Variants in ZFP64 observed in about 807,000 individuals in gnomAD.
ZFP64 encodes the protein ZFP64 zinc finger protein, also known as zinc finger protein 64.
Under a neutral mutation model 51.6 loss-of-function variants are expected in ZFP64, and 14 were observed. That is an observed-to-expected ratio of 0.27 (90% CI 0.18 to 0.42). The LOEUF (loss-of-function observed/expected upper bound fraction) is 0.42. Ranked by LOEUF, ZFP64 falls within the 10% of genes least tolerant of loss-of-function variation. The pLI, the probability that ZFP64 is intolerant of heterozygous loss-of-function variation, is 1.00. For synonymous variants in ZFP64, 375 were observed against 361.4 expected (o/e 1.04, Z -0.43); for missense variants, 754 against 906.8 (o/e 0.83, Z 2.16).
chr20:52,171,520 C>T (rs959894500), intron 2 of ZFP64, among the ~76,000 whole-genome samples: 4 of 152,000 alleles, frequency 2.6e-5, no homozygotes, highest in Admixed American at 6.6e-5. Flanking sequence ...GATGGAGTCT[C>T]GCTCTGTTGC....
intron 2 of ZFP64, among the ~76,000 whole-genome samples, chr20:52,167,823 C>T (rs932272824): frequency 1.3e-5 from 2 of 152,170 alleles, no homozygotes; most frequent in Admixed American, 6.5e-5. Flanking sequence ...TAAGTCAACA[C>T]AGGCCTAACA....
rs76847316 is a variant in ZFP64, at chr20:52,118,844, GGTAAAGAA to G, written c.764-20265_764-20258del. Among the ~76,000 whole-genome samples, 705 of 152,312 alleles carry G rather than the reference GGTAAAGAA, an allele frequency of 4.6e-3. 4 individuals carry two copies. Among genetic ancestry groups the G allele is most frequent in the Non-Finnish European group, 7.7e-3 (521 of 68,016 alleles). On this transcript the variant is annotated intron_variant, in intron 5 of 8. Transcript: ENST00000361387. ...GCTATGTAGGATGAGATCTTGGGCA[GGTAAAGAA>G]GTGAAGTAGGTTGGGTGCAGTGGCT...
At chr20:52,095,737 G>A (rs530653479) in intron 7 of ZFP64, among the ~76,000 whole-genome samples, 1 of 152,232 alleles carries the variant, frequency 6.6e-6, no homozygotes, top group South Asian at 2.1e-4. Context: ...CAGTAATCCA[G>A]CCCCTGTACA....
intron 1 of ZFP64, among the ~76,000 whole-genome samples, chr20:52,190,596 A>G (rs1369437133): frequency 6.6e-6 from 1 of 152,068 alleles, no homozygotes; most frequent in Non-Finnish European, 1.5e-5. Flanking sequence ...ACTGAGGTAC[A>G]CTATTTAAAC....
At chr20:52,111,955 C>T (rs1040012263) in intron 5 of ZFP64, among the ~76,000 whole-genome samples, 1 of 151,864 alleles carries the variant, frequency 6.6e-6, no homozygotes, top group South Asian at 2.1e-4. Flanking sequence ...TGGTGGTGGG[C>T]ACCTGTAATT....
intron 2 of ZFP64, among the ~76,000 whole-genome samples, chr20:52,172,789 T>C (rs2123068455): frequency 6.6e-6 from 1 of 152,240 alleles, no homozygotes. Context: ...TCCTGTTTAG[T>C]GAGATCAGAC....
chr20:52,170,785 T>C (rs1982654238), intron 2 of ZFP64, among the ~76,000 whole-genome samples: 1 of 152,246 alleles, frequency 6.6e-6, no homozygotes, highest in Non-Finnish European at 1.5e-5. Context: ...TGCCAGGAAC[T>C]GTTCTAAGCA....
intron 7 of ZFP64, among the ~76,000 whole-genome samples, chr20:52,090,134 C>T (rs2078907509): frequency 1.3e-5 from 2 of 152,188 alleles, no homozygotes. Flanking sequence ...ACACTAAAGA[C>T]AGCCATGCAT....
chr20:52,108,861 A>AACACAC (rs57127987), intron 5 of ZFP64, among the ~76,000 whole-genome samples: 3,409 of 139,678 alleles, frequency 0.024, 53 homozygotes, highest in Middle Eastern at 0.043. Context: ...GAAAATCTGA[A>AACACAC]ACACACACAC....
Position 52,085,929 on chromosome 20 carries a change from A to T in ZFP64, c.1229-663T>A, listed in dbSNP as rs185704165. On this transcript the variant is annotated intron_variant, in intron 8 of 8. Coordinates refer to the ZFP64 transcript ENST00000361387. The surrounding 1 kb of genome is among the most constrained non-coding windows in gnomAD (Gnocchi z 4.3). Reference sequence around the variant, plus strand: ...TGCTTTAAACGTCAGTTGAATATACACAAAGATAAGCATCTTATCCTACAC... The same window carrying T: ...TGCTTTAAACGTCAGTTGAATATACTCAAAGATAAGCATCTTATCCTACAC... Among the ~76,000 whole-genome samples, 46 of 152,268 alleles carry T rather than the reference A, an allele frequency of 3.0e-4. No individual in the cohort carries two copies. Among genetic ancestry groups the T allele is most frequent in the Non-Finnish European group, 6.0e-4 (41 of 68,024 alleles).
intron 5 of ZFP64, among the ~76,000 whole-genome samples, chr20:52,129,544 G>A (rs372491195): frequency 6.6e-6 from 1 of 152,066 alleles, no homozygotes; most frequent in Non-Finnish European, 1.5e-5. Context: ...CTGCCCTAAC[G>A]TCCAGTGCAC....
At chr20:52,094,291 G>A (rs1285421011) in intron 7 of ZFP64, among the ~76,000 whole-genome samples, 1 of 152,252 alleles carries the variant, frequency 6.6e-6, no homozygotes. Flanking sequence ...TTCAAGGAAA[G>A]TCGTTTCTGT....
intron 2 of ZFP64, among the ~76,000 whole-genome samples, chr20:52,185,476 A>T (rs1393893816): frequency 9.0e-5 from 13 of 143,724 alleles, no homozygotes; most frequent in African/African-American, 3.6e-4. Context: ...CCAGAAAATG[A>T]AATCAGTGTC....
chr20:52,104,811 G>C (rs1407923017), intron 5 of ZFP64: 1 of 603,282 alleles, frequency 1.7e-6, no homozygotes, highest in Non-Finnish European at 3.2e-6. Context: ...CCGGAGACTC[G>C]GGTGCCCGCG....
intron 5 of ZFP64, among the ~76,000 whole-genome samples, chr20:52,127,137 A>G (rs2122869165): frequency 6.6e-6 from 1 of 152,080 alleles, no homozygotes; most frequent in Non-Finnish European, 1.5e-5. Context: ...TTTTTAGTAG[A>G]GACGGGGTTT....
rs1335013130 is a variant in ZFP64, at chr20:52,085,448, G to T, written c.1229-182C>A. On this transcript the variant is annotated intron_variant, in intron 8 of 8. Transcript: ENST00000361387. The surrounding 1 kb of genome is among the most constrained non-coding windows in gnomAD (Gnocchi z 4.3). ...AATCCTCACAACAATCCTATGAGTGGGTACTATTACCCCCACTTTACAGAT... is the reference window on the plus strand; with the variant it reads ...AATCCTCACAACAATCCTATGAGTGTGTACTATTACCCCCACTTTACAGAT... Among the ~76,000 whole-genome samples the T allele has an allele frequency of 6.6e-6, 1 of 152,094 alleles. No homozygotes were observed. The highest frequency in any genetic ancestry group is 1.5e-5 in the Non-Finnish European group (1 of 68,032).
chr20:52,093,204 G>A (rs2078947932), intron 7 of ZFP64, among the ~76,000 whole-genome samples: 1 of 151,980 alleles, frequency 6.6e-6, no homozygotes, highest in African/African-American at 2.4e-5. Context: ...GCAGTGGCAC[G>A]ATTTTGGTTC....
At chr20:52,092,821 A>G (rs2078942642) in intron 7 of ZFP64, among the ~76,000 whole-genome samples, 2 of 152,192 alleles carry the variant, frequency 1.3e-5, no homozygotes, top group Non-Finnish European at 2.9e-5. Context: ...GCACCACTGT[A>G]CTCCAGCCTG....
intron 5 of ZFP64, among the ~76,000 whole-genome samples, chr20:52,122,630 A>G (rs1358480669): frequency 1.3e-5 from 2 of 152,220 alleles, no homozygotes; most frequent in Non-Finnish European, 2.9e-5. Flanking sequence ...TCCAGATGCC[A>G]TAAAGAACAT....
Sources: allele counts gnomAD v4.1 joint callset (sites outside exome capture counted in the v4.1 genomes callset), GRCh38; gene constraint gnomAD v4.1.1; non-coding constraint Gnocchi (gnomAD v3.1); transcripts MANE v1.5; gene names NCBI Gene and HGNC (gene_info 2026-07-23, HGNC 2026-07-21).